TRIO: variants seen among roughly 807,000 people sequenced by gnomAD.
TRIO encodes the protein trio Rho guanine nucleotide exchange factor, also known as triple functional domain protein.
Under a neutral mutation model 351.9 loss-of-function variants are expected in TRIO, and 58 were observed. The observed-to-expected ratio is 0.16, with a 90% confidence interval of 0.13 to 0.21. The LOEUF is 0.21. TRIO is among the 10% of genes least tolerant of loss of function. The probability of loss-of-function intolerance (pLI) is 1.00; values close to 1 mark genes in which losing one functional copy is unlikely to be tolerated. For synonymous variants in TRIO, 1,758 were observed against 1,595.7 expected (o/e 1.10, Z -2.42); for missense variants, 3,201 against 4,027.8 (o/e 0.79, Z 5.56).
chr5:14,297,518 GT>G, intron 7 of TRIO: 1 of 393,584 alleles, frequency 2.5e-6, no homozygotes, highest in Non-Finnish European at 4.7e-6. Context: ...TGAGTGGACT[GT>G]TGATGTAAAT....
At chr5:14,407,637 A>G (rs970388801) in intron 33 of TRIO, among the ~76,000 whole-genome samples, 5 of 152,244 alleles carry the variant, frequency 3.3e-5, no homozygotes, top group African/African-American at 1.2e-4. Flanking sequence ...GGAATTGGCA[A>G]CAGTGATGAC....
At chr5:14,249,459 G>A (rs1160244169) in intron 1 of TRIO, among the ~76,000 whole-genome samples, 3 of 152,150 alleles carry the variant, frequency 2.0e-5, no homozygotes, top group Admixed American at 6.6e-5. Context: ...CTGGACTTTC[G>A]AGGGGGGAAT....
chr5:14,427,564 A>G (rs372906798), intron 34 of TRIO, among the ~76,000 whole-genome samples: 21 of 152,296 alleles, frequency 1.4e-4, no homozygotes, highest in African/African-American at 5.1e-4. Context: ...GTGCCAGGAC[A>G]GAGAAGCCCT....
intron 37 of TRIO, among the ~76,000 whole-genome samples, chr5:14,468,542 T>C (rs1282180909): frequency 2.0e-5 from 3 of 152,252 alleles, no homozygotes; most frequent in Admixed American, 6.5e-5. Context: ...TCCCCTCTTT[T>C]TCTGGTTCAA....
At chr5:14,181,290 C>T (rs1016537293) in intron 1 of TRIO, among the ~76,000 whole-genome samples, 1 of 152,150 alleles carries the variant, frequency 6.6e-6, no homozygotes, top group Admixed American at 6.5e-5. Flanking sequence ...CAGATACTGG[C>T]CTGCTTGAAA....
chr5:14,396,794 A>G (rs1006578265), intron 28 of TRIO, among the ~76,000 whole-genome samples: 5 of 152,034 alleles, frequency 3.3e-5, no homozygotes, highest in African/African-American at 1.2e-4. Context: ...TTGAGGCTTG[A>G]TTGTTAACAG....
At chr5:14,234,075 G>T (rs531293186) in intron 1 of TRIO, among the ~76,000 whole-genome samples, 1 of 152,318 alleles carries the variant, frequency 6.6e-6, no homozygotes, top group East Asian at 1.9e-4. Flanking sequence ...AGATAGGCAT[G>T]AGCCACCATG....
chr5:14,250,872 C>G (rs1347366991), intron 1 of TRIO, among the ~76,000 whole-genome samples: 3 of 152,184 alleles, frequency 2.0e-5, no homozygotes, highest in Non-Finnish European at 4.4e-5. Context: ...CATTTTCTCA[C>G]TGAATTCTCC....
chr5:14,267,139 T>G (rs980827006), intron 1 of TRIO, among the ~76,000 whole-genome samples: 1 of 152,224 alleles, frequency 6.6e-6, no homozygotes, highest in African/African-American at 2.4e-5. Flanking sequence ...TCCCCCAATT[T>G]GGGCCATTTA....
intron 34 of TRIO, among the ~76,000 whole-genome samples, chr5:14,429,402 T>G (rs1249775034): frequency 6.6e-6 from 1 of 152,194 alleles, no homozygotes; most frequent in Non-Finnish European, 1.5e-5. Context: ...GGGCTGACTT[T>G]CCCATGCACA....
At chr5:14,222,263 G>A (rs1198390979) in intron 1 of TRIO, among the ~76,000 whole-genome samples, 1 of 151,648 alleles carries the variant, frequency 6.6e-6, no homozygotes, top group Non-Finnish European at 1.5e-5. Flanking sequence ...AACGTATAGT[G>A]TAAACATAAT....
chr5:14,455,795 A>G (rs964828431), intron 34 of TRIO, among the ~76,000 whole-genome samples: 2 of 152,378 alleles, frequency 1.3e-5, no homozygotes, highest in African/African-American at 4.8e-5. Context: ...AAAGTTCTCC[A>G]AGTCCCCACC....
At chr5:14,449,756 T>C (rs1752708657) in intron 34 of TRIO, among the ~76,000 whole-genome samples, 1 of 152,252 alleles carries the variant, frequency 6.6e-6, no homozygotes, top group Non-Finnish European at 1.5e-5. Flanking sequence ...GTAATTGGAC[T>C]CTTTCTTCAT....
intron 1 of TRIO, among the ~76,000 whole-genome samples, chr5:14,237,791 G>A (rs354290): frequency 0.025 from 3,855 of 152,192 alleles, 137 homozygotes; most frequent in African/African-American, 0.088. Flanking sequence ...ATATTGATCA[G>A]GCTTTGATAG....
At chr5:14,190,764 A>G (rs1790405113) in intron 1 of TRIO, among the ~76,000 whole-genome samples, 1 of 152,162 alleles carries the variant, frequency 6.6e-6, no homozygotes, top group Non-Finnish European at 1.5e-5. Context: ...ACTAAATTAA[A>G]AAAAAATCCA....
At chr5:14,420,353 A>C in intron 34 of TRIO, 1 of 271,450 alleles carries the variant, frequency 3.7e-6, no homozygotes, top group Non-Finnish European at 7.2e-6. Context: ...GTGTCATGAT[A>C]CCTCCTGGAG....
chr5:14,275,382 G>C (rs1272518057), intron 2 of TRIO, among the ~76,000 whole-genome samples: 1 of 152,030 alleles, frequency 6.6e-6, no homozygotes, highest in African/African-American at 2.4e-5. Flanking sequence ...CTATCAGCTT[G>C]AAACCTGGAA....
At chr5:14,504,719 A>T in intron 55 of TRIO, 126 bp downstream of exon 55, 1 of 1,203,206 alleles carries the variant, frequency 8.3e-7, no homozygotes, top group Non-Finnish European at 1.2e-6. Context: ...ACTAAAAAAC[A>T]TCTTCACTGT....
intron 27 of TRIO, among the ~76,000 whole-genome samples, chr5:14,391,202 T>C (rs138611273): frequency 2.6e-5 from 4 of 152,326 alleles, no homozygotes; most frequent in African/African-American, 9.6e-5. Flanking sequence ...GCCTTATATC[T>C]GTAAGGAACT....
Sources: allele counts gnomAD v4.1 joint callset (sites outside exome capture counted in the v4.1 genomes callset), GRCh38; gene constraint gnomAD v4.1.1; transcripts MANE v1.5; gene names NCBI Gene and HGNC (gene_info 2026-07-23, HGNC 2026-07-21).